The following DOCK3 variants were observed in gnomAD, a reference collection of about 807,000 sequenced individuals.
The protein encoded by DOCK3 is dedicator of cytokinesis 3, also known as dedicator of cytokinesis protein 3.
DOCK3 carries 60 observed loss-of-function variants against 265.6 expected under a neutral mutation model. The ratio of observed to expected loss-of-function variants is 0.23; its 90% CI spans 0.18 to 0.28. The LOEUF is 0.28. DOCK3 is among the 10% of genes least tolerant of loss of function. The probability of loss-of-function intolerance (pLI) is 1.00; values close to 1 mark genes in which losing one functional copy is unlikely to be tolerated. For missense variants in DOCK3, 1,981 were observed against 2,594.3 expected, an observed-to-expected ratio of 0.76 and a Z score of 5.14; for synonymous variants, 881 against 938.0, an observed-to-expected ratio of 0.94 and a Z score of 1.11.
intron 2 of DOCK3, among the ~76,000 whole-genome samples, chr3:50,782,582 T>C (rs1348686963): frequency 6.8e-6 from 1 of 147,960 alleles, no homozygotes; most frequent in Non-Finnish European, 1.5e-5. Flanking sequence ...TTTGAGTGTG[T>C]GTGTGTGTGT....
chr3:51,058,719 A>AG (rs977776360), intron 5 of DOCK3, among the ~76,000 whole-genome samples: 19 of 152,294 alleles, frequency 1.2e-4, no homozygotes, highest in African/African-American at 4.6e-4. Context: ...TGGCAGAATC[A>AG]GTGTCTGGTG....
intron 32 of DOCK3, among the ~76,000 whole-genome samples, 178 bp downstream of exon 32, chr3:51,315,306 A>G (rs923389293): frequency 2.0e-5 from 3 of 152,168 alleles, no homozygotes; most frequent in African/African-American, 7.2e-5. Context: ...GATTTTCTCC[A>G]TGAAGTTAGA....
intron 5 of DOCK3, among the ~76,000 whole-genome samples, chr3:50,970,678 TC>T (rs1365151997): frequency 4.7e-5 from 7 of 149,924 alleles, no homozygotes; most frequent in Admixed American, 2.0e-4. Flanking sequence ...AATATTTTTT[TC>T]TGATTTCTTT....
chr3:51,238,381 A>G (rs9831735), intron 21 of DOCK3, among the ~76,000 whole-genome samples: 75,505 of 151,624 alleles, frequency 0.5, 21,200 homozygotes, highest in Non-Finnish European at 0.63. Flanking sequence ...TGACCTCATG[A>G]TCCACCTGCC....
chr3:51,008,554 T>C (rs1224854028), intron 5 of DOCK3, among the ~76,000 whole-genome samples: 2 of 152,232 alleles, frequency 1.3e-5, no homozygotes, highest in Non-Finnish European at 2.9e-5. Flanking sequence ...TTTCCAAATA[T>C]ACAATCATGT....
At chr3:51,366,973 G>T (rs982086534) in intron 49 of DOCK3, among the ~76,000 whole-genome samples, 52 of 152,284 alleles carry the variant, frequency 3.4e-4, no homozygotes, top group African/African-American at 1.2e-3. Flanking sequence ...CTGTTGATTT[G>T]GGGTGGAGAG....
rs112814983 is a variant in DOCK3, at chr3:50,685,616, C to A, written c.37+10316C>A. The stretch of plus-strand genomic sequence containing the variant: ...TCTCCTTGTAGCTGGACTTGCCACA[C>A]CATTATGGCATGTTAAGTCACCACT... On this transcript the variant is annotated intron_variant, in intron 1 of 52. Transcript: ENST00000266037. 61 of 166,210 alleles carry A rather than the reference C, an allele frequency of 3.7e-4. No individual in the cohort carries two copies. In the Middle Eastern group the frequency reaches 9.9e-3, roughly 27 times the overall value. 10.3% of individuals were successfully genotyped at this position (166,210 alleles called of 1,614,324 possible). A position where few individuals can be genotyped will look rare whatever the true frequency, so the allele number is the denominator to read the frequency against.
intron 2 of DOCK3, among the ~76,000 whole-genome samples, chr3:50,783,831 C>G (rs1576423587): frequency 6.7e-6 from 1 of 149,448 alleles, no homozygotes; most frequent in African/African-American, 2.4e-5. Context: ...TTTATGGTTT[C>G]AGGTCTTAGA....
intron 1 of DOCK3, among the ~76,000 whole-genome samples, chr3:50,677,173 C>G (rs141392341): frequency 6.6e-6 from 1 of 152,232 alleles, no homozygotes; most frequent in African/African-American, 2.4e-5. Context: ...GACAGTTACA[C>G]TGAAGACATT....
chr3:51,000,430 T>C (rs1446007593), intron 5 of DOCK3, among the ~76,000 whole-genome samples: 1 of 152,226 alleles, frequency 6.6e-6, no homozygotes, highest in Non-Finnish European at 1.5e-5. Context: ...GAACACAGCT[T>C]GCTGCCTGAC....
At chr3:51,268,472 A>G (rs2080317078) in intron 23 of DOCK3, among the ~76,000 whole-genome samples, 1 of 152,366 alleles carries the variant, frequency 6.6e-6, no homozygotes, top group East Asian at 1.9e-4. Context: ...GTAATAGTGT[A>G]TAGTTCTTCA....
At chr3:50,919,122 C>G (rs2050292489) in intron 4 of DOCK3, among the ~76,000 whole-genome samples, 1 of 152,096 alleles carries the variant, frequency 6.6e-6, no homozygotes, top group South Asian at 2.1e-4. Flanking sequence ...TGGTCTATAT[C>G]TCTGTTTGGT....
intron 27 of DOCK3, 147 bp downstream of exon 27, chr3:51,280,351 G>A: frequency 1.3e-6 from 1 of 765,608 alleles, no homozygotes; most frequent in Non-Finnish European, 2.1e-6. Context: ...GCTGAGTGTT[G>A]GCCTCCAGAA....
At chr3:50,920,160 T>C (rs1161972650) in intron 4 of DOCK3, among the ~76,000 whole-genome samples, 1 of 152,236 alleles carries the variant, frequency 6.6e-6, no homozygotes, top group Non-Finnish European at 1.5e-5. Flanking sequence ...CAGTATTTTA[T>C]TGAGGATTTT....
intron 9 of DOCK3, among the ~76,000 whole-genome samples, chr3:51,096,515 A>G (rs763348541): frequency 2.0e-5 from 3 of 152,108 alleles, no homozygotes; most frequent in Non-Finnish European, 2.9e-5. Context: ...GTTCTTCTCT[A>G]AACTGGTTAT....
At chr3:51,237,680 GT>G in intron 21 of DOCK3, 90 bp downstream of exon 21, 1 of 1,160,408 alleles carries the variant, frequency 8.6e-7, no homozygotes, top group Non-Finnish European at 1.2e-6. Context: ...CATTTAAAAA[GT>G]TCAGCTGACT....
chr3:50,905,938 T>C (rs2107857237), intron 4 of DOCK3, among the ~76,000 whole-genome samples: 1 of 152,192 alleles, frequency 6.6e-6, no homozygotes, highest in East Asian at 1.9e-4. Context: ...ATACATCCCA[T>C]CAATACCTAA....
At position 51,315,127 on chromosome 3, in the gene DOCK3, A is replaced by G; in HGVS notation, c.3401A>G (p.Gln1134Arg). Residue 1134 changes from glutamine to arginine, a missense_variant and splice_region_variant, in exon 32 of 53, where the codon CAG becomes CGG. Physicochemically the swap from Gln to Arg is conservative, Grantham distance 43. Around this residue, in one of 4 missense-constraint regions of DOCK3, gnomAD observed 1,357 missense variants for 1,866.8 expected, o/e 0.73. Coordinates refer to ENST00000266037, the MANE Select transcript of DOCK3 (RefSeq NM_004947.5). ...WEQRKNGNFKQVEAELIDKLD... is the reference protein window; with the variant it reads ...WEQRKNGNFKRVEAELIDKLD... ...CAGAGAAAAAATGGCAACTTCAAAC[A>G]GGTAAGACACCTGGCAGTGTTCGGG... 6.2e-7 allele frequency: 1 copy of G among 1,606,822 alleles called. No individual in the cohort carries two copies. Among genetic ancestry groups the G allele is most frequent in the Non-Finnish European group, 8.5e-7 (1 of 1,175,266 alleles).
At chr3:51,117,054 A>T (rs1405518629) in intron 9 of DOCK3, among the ~76,000 whole-genome samples, 3 of 152,176 alleles carry the variant, frequency 2.0e-5, no homozygotes, top group Admixed American at 2.0e-4. Context: ...TTTCAAGGGG[A>T]ATGCGTCCAG....
Sources: gnomAD v4.1 joint callset for allele counts (sites outside exome capture counted in the v4.1 genomes callset) on GRCh38, gnomAD v4.1.1 for gene constraint, gnomAD v4.1.1 regional missense constraint, MANE v1.5 for transcripts, NCBI Gene and HGNC (gene_info 2026-07-23, HGNC 2026-07-21) for gene names.